SMYD3: variants seen among roughly 807,000 people sequenced by gnomAD.
SMYD3 encodes histone-lysine N-methyltransferase SMYD3.
SMYD3 carries 36 observed loss-of-function variants against 57.7 expected under a neutral mutation model. The ratio of observed to expected loss-of-function variants is 0.62; its 90% confidence interval spans 0.48 to 0.82. SMYD3 has a LOEUF of 0.82. Ranked by LOEUF, SMYD3 falls within the 40% of genes least tolerant of loss-of-function variation. The pLI is 0.00. For synonymous variants in SMYD3, 211 were observed against 195.0 expected, an observed-to-expected ratio of 1.08 and a Z score of -0.68; for missense variants, 515 against 538.8, an observed-to-expected ratio of 0.96 and a Z score of 0.44.
chr1:245,794,630 ACTT>A (rs2047444408), intron 10 of SMYD3, among the ~76,000 whole-genome samples: 1 of 152,256 alleles, frequency 6.6e-6, no homozygotes, highest in South Asian at 2.1e-4. Flanking sequence ...TTCTTAAAGA[ACTT>A]CTTATTAGAA....
intron 1 of SMYD3, among the ~76,000 whole-genome samples, chr1:246,475,059 G>C (rs1292571837): frequency 6.6e-6 from 1 of 152,152 alleles, no homozygotes; most frequent in Non-Finnish European, 1.5e-5. Flanking sequence ...GCTCACATCT[G>C]TAATCCCAGC....
At chr1:246,500,052 T>TACGTACC (rs60015445) in intron 1 of SMYD3, among the ~76,000 whole-genome samples, 96,418 of 151,130 alleles carry the variant, frequency 0.64, 30,972 homozygotes, top group East Asian at 0.88. Flanking sequence ...GATTCTGCAC[T>TACGTACC]ACCATCACCA....
At chr1:246,249,958 A>G (rs2063775596) in intron 5 of SMYD3, among the ~76,000 whole-genome samples, 1 of 152,330 alleles carries the variant, frequency 6.6e-6, no homozygotes, top group East Asian at 1.9e-4. Context: ...GCTTACTTTC[A>G]AATTAAGTCA....
intron 5 of SMYD3, among the ~76,000 whole-genome samples, chr1:246,138,861 C>T (rs931256316): frequency 6.6e-6 from 1 of 152,076 alleles, no homozygotes; most frequent in African/African-American, 2.4e-5. Context: ...ATAATCTAAT[C>T]CCTTTTGTAT....
chr1:245,981,093 G>A lies in SMYD3; in HGVS notation c.532-51156C>T, dbSNP rs895652014. 2.6e-5 allele frequency among the ~76,000 whole-genome samples: 4 copies of A among 152,232 alleles called. No homozygotes were observed. In the East Asian group the frequency reaches 7.7e-4, roughly 29 times the overall value. On this transcript the variant is annotated intron_variant, in intron 5 of 11. Coordinates refer to ENST00000490107, the MANE Select transcript of SMYD3 (RefSeq NM_001167740.2). ...GATTACACTTAAAATTAAGCTTGAA[G>A]AGGACAGAAACCTTGTTTATCTGGG... is the stretch of plus-strand genomic sequence containing the variant.
intron 8 of SMYD3, among the ~76,000 whole-genome samples, chr1:245,896,033 G>C (rs1287240576): frequency 2.0e-5 from 3 of 152,186 alleles, no homozygotes; most frequent in Non-Finnish European, 4.4e-5. Flanking sequence ...CCCCACTACA[G>C]AACCATTTAT....
chr1:246,440,909 T>G (rs1199072223), intron 1 of SMYD3, among the ~76,000 whole-genome samples: 1 of 152,142 alleles, frequency 6.6e-6, no homozygotes, highest in East Asian at 1.9e-4. Flanking sequence ...CCTCTGTGAA[T>G]GGAACAATAA....
chr1:246,103,930 T>C (rs2061068733), intron 5 of SMYD3, among the ~76,000 whole-genome samples: 1 of 152,192 alleles, frequency 6.6e-6, no homozygotes, highest in Non-Finnish European at 1.5e-5. Context: ...AACTCCCTAC[T>C]CATCCTTGAA....
At chr1:246,485,454 A>C (rs1201857944) in intron 1 of SMYD3, among the ~76,000 whole-genome samples, 1 of 150,924 alleles carries the variant, frequency 6.6e-6, no homozygotes, top group Non-Finnish European at 1.5e-5. Context: ...TTGACATGTG[A>C]AAAGTTTCCA....
intron 1 of SMYD3, among the ~76,000 whole-genome samples, chr1:246,453,848 CTT>C: frequency 6.6e-6 from 1 of 152,160 alleles, no homozygotes; most frequent in Non-Finnish European, 1.5e-5. Context: ...TACAGAAACA[CTT>C]TTCTGCAAAC....
intron 5 of SMYD3, among the ~76,000 whole-genome samples, chr1:246,209,908 A>G (rs982374546): frequency 2.0e-5 from 3 of 152,208 alleles, no homozygotes; most frequent in African/African-American, 7.2e-5. Flanking sequence ...TGAACAGGTA[A>G]AACTACAGTT....
At chr1:246,008,850 C>A (rs2059225445) in intron 5 of SMYD3, among the ~76,000 whole-genome samples, 1 of 152,204 alleles carries the variant, frequency 6.6e-6, no homozygotes, top group African/African-American at 2.4e-5. Context: ...CTGTTTAGGC[C>A]TGCAGAGTGA....
intron 10 of SMYD3, among the ~76,000 whole-genome samples, chr1:245,815,292 T>C (rs1167600807): frequency 1.2e-4 from 18 of 152,200 alleles, no homozygotes; most frequent in African/African-American, 2.7e-4. Context: ...AGAAGAGCTG[T>C]TGGTTAACTC....
chr1:246,177,762 G>C (rs1310713551), intron 5 of SMYD3, among the ~76,000 whole-genome samples: 1 of 152,210 alleles, frequency 6.6e-6, no homozygotes, highest in Non-Finnish European at 1.5e-5. Context: ...TATGAGGACA[G>C]AGTGGATAAT....
At chr1:245,897,828 G>A (rs2053926349) in intron 8 of SMYD3, among the ~76,000 whole-genome samples, 1 of 152,094 alleles carries the variant, frequency 6.6e-6, no homozygotes, top group African/African-American at 2.4e-5. Context: ...AAACCTGGGA[G>A]GCAGAGGTTG....
chr1:246,467,503 T>C (rs1001746980), intron 1 of SMYD3, among the ~76,000 whole-genome samples: 4 of 151,924 alleles, frequency 2.6e-5, no homozygotes, highest in African/African-American at 9.7e-5. Context: ...AAATCAGAGA[T>C]GGAAAAGGAG....
At chr1:246,302,391 A>C (rs1039554144) in intron 5 of SMYD3, among the ~76,000 whole-genome samples, 1 of 152,150 alleles carries the variant, frequency 6.6e-6, no homozygotes, top group African/African-American at 2.4e-5. Context: ...GCTTCATTCA[A>C]TGTGGGCTGG....
At chr1:245,840,553 G>A (rs2050349063) in intron 10 of SMYD3, among the ~76,000 whole-genome samples, 1 of 152,084 alleles carries the variant, frequency 6.6e-6, no homozygotes, top group African/African-American at 2.4e-5. Context: ...GTCACAGGTT[G>A]CCAATAAAAG....
chr1:245,781,582 C>G (rs2046828081), intron 10 of SMYD3, among the ~76,000 whole-genome samples: 1 of 152,140 alleles, frequency 6.6e-6, no homozygotes, highest in South Asian at 2.1e-4. Context: ...ATTAGCACAC[C>G]AATTTGCAAG....
Sources: allele counts gnomAD v4.1 joint callset (sites outside exome capture counted in the v4.1 genomes callset), GRCh38; gene constraint gnomAD v4.1.1; transcripts MANE v1.5; gene names NCBI Gene and HGNC (gene_info 2026-07-23, HGNC 2026-07-21).